The following SAMD3 variants were observed in gnomAD, a reference collection of about 807,000 sequenced individuals.
SAMD3 encodes the protein sterile alpha motif domain-containing protein 3.
Under a neutral mutation model 58.5 loss-of-function variants are expected in SAMD3, and 63 were observed. That is an observed-to-expected ratio of 1.08 (90% CI 0.88 to 1.33). The LOEUF (loss-of-function observed/expected upper bound fraction) is 1.33, where lower values mean the gene tolerates loss of function less well. Ranked by LOEUF, SAMD3 falls within the 40% of genes most tolerant of loss-of-function variation. The probability of loss-of-function intolerance (pLI) is 0.00; values close to 1 mark genes in which losing one functional copy is unlikely to be tolerated. For missense variants in SAMD3, 604 were observed against 608.4 expected (o/e 0.99, Z 0.08); for synonymous variants, 220 against 210.3 (o/e 1.05, Z -0.40).
intron 1 of SAMD3, among the ~76,000 whole-genome samples, chr6:130,326,383 TGCAAA>T (rs1776761561): frequency 1.3e-5 from 2 of 150,360 alleles, no homozygotes; most frequent in East Asian, 1.9e-4. Flanking sequence ...TTTTTTTTTT[TGCAAA>T]CTTCTGCTCA....
At chr6:130,157,171 C>T (rs535972461) in intron 8 of SAMD3, among the ~76,000 whole-genome samples, 24 of 151,744 alleles carry the variant, frequency 1.6e-4, no homozygotes, top group East Asian at 5.8e-4. Context: ...CATGTGTAAA[C>T]GTCATATACT....
intron 9 of SAMD3, among the ~76,000 whole-genome samples, chr6:130,151,003 C>T (rs1327002780): frequency 6.6e-6 from 1 of 152,114 alleles, no homozygotes; most frequent in Non-Finnish European, 1.5e-5. Context: ...TGAGCCACCA[C>T]ACCTAGCCTG....
chr6:130,285,936 G>A (rs994775214), intron 2 of SAMD3, among the ~76,000 whole-genome samples: 3 of 152,098 alleles, frequency 2.0e-5, no homozygotes, highest in Non-Finnish European at 4.4e-5. Flanking sequence ...AGATAATAAA[G>A]GCAGTGCTTT....
intron 2 of SAMD3, among the ~76,000 whole-genome samples, chr6:130,275,053 A>T (rs1475947820): frequency 6.6e-6 from 1 of 152,208 alleles, no homozygotes; most frequent in Non-Finnish European, 1.5e-5. Context: ...GACCTACTGT[A>T]TCAAAATATA....
At chr6:130,160,909 G>A (rs1790227043) in intron 8 of SAMD3, 1 of 151,056 alleles carries the variant, frequency 6.6e-6, no homozygotes, top group Admixed American at 6.6e-5. Context: ...GTTTGTATAT[G>A]TTTTAAACTG....
At chr6:130,219,802 T>C (rs1013539138) in intron 1 of SAMD3, among the ~76,000 whole-genome samples, 1 of 152,178 alleles carries the variant, frequency 6.6e-6, no homozygotes, top group African/African-American at 2.4e-5. Context: ...TTTTTGCACA[T>C]ACAAGAATTC....
In SAMD3 at chr6:130,313,493, G is replaced by GAAAATA. The variant is rs1303196408; in HGVS notation, c.-303-406_-303-401dup. On this transcript the variant is annotated intron_variant, in intron 1 of 13. Transcript: ENST00000368134. ...CTTAAGGAATTCTCTCTCCTGCCCG[G>GAAAATA]AAAATAAAAGTGCAGCTGTAAGCAA... 6.6e-5 allele frequency among the ~76,000 whole-genome samples: 10 copies of GAAAATA among 152,268 alleles called. No individual in the cohort carries two copies. The East Asian group carries it at 1.9e-3, about 29-fold the overall frequency.
intron 2 of SAMD3, among the ~76,000 whole-genome samples, chr6:130,229,382 C>A (rs547933460): frequency 6.6e-6 from 1 of 152,176 alleles, no homozygotes; most frequent in Admixed American, 6.5e-5. Flanking sequence ...GTAAGAGTGG[C>A]GGATCCCCAG....
At chr6:130,185,652 AC>A (rs1464229304) in intron 5 of SAMD3, among the ~76,000 whole-genome samples, 1 of 138,542 alleles carries the variant, frequency 7.2e-6, no homozygotes. Flanking sequence ...TTTTTTTTAG[AC>A]AGAGTCTTGC....
intron 8 of SAMD3, among the ~76,000 whole-genome samples, chr6:130,174,697 T>C (rs1791563915): frequency 6.6e-6 from 1 of 152,238 alleles, no homozygotes; most frequent in Admixed American, 6.5e-5. Flanking sequence ...TTTTAGTTTG[T>C]AATTGGAATT....
chr6:130,181,954 A>G (rs1792370298), intron 7 of SAMD3, among the ~76,000 whole-genome samples: 2 of 151,764 alleles, frequency 1.3e-5, no homozygotes, highest in Admixed American at 6.6e-5. Context: ...AGTCCCAGCT[A>G]CTCGGGAGGC....
chr6:130,259,081 A>G (rs1774020281), intron 2 of SAMD3, among the ~76,000 whole-genome samples: 1 of 152,176 alleles, frequency 6.6e-6, no homozygotes, highest in South Asian at 2.1e-4. Flanking sequence ...TCATGATGAG[A>G]GAGGATTAAG....
chr6:130,336,663 A>G (rs942633474), intron 1 of SAMD3, among the ~76,000 whole-genome samples: 3 of 152,222 alleles, frequency 2.0e-5, no homozygotes, highest in Non-Finnish European at 2.9e-5. Flanking sequence ...AATGCCTGAC[A>G]GAATGCTGGT....
intron 8 of SAMD3, among the ~76,000 whole-genome samples, chr6:130,165,045 T>C (rs185254233): frequency 3.0e-4 from 45 of 152,246 alleles, no homozygotes; most frequent in Admixed American, 6.5e-4. Flanking sequence ...AGTTGGAGAC[T>C]TCAATACTTC....
At chr6:130,317,408 G>A (rs1250898710) in intron 1 of SAMD3, among the ~76,000 whole-genome samples, 1 of 152,078 alleles carries the variant, frequency 6.6e-6, no homozygotes, top group East Asian at 1.9e-4. Flanking sequence ...AGAAATGCAT[G>A]TATTTTATTA....
chr6:130,316,011 C>T (rs974091754), intron 1 of SAMD3, among the ~76,000 whole-genome samples: 1 of 152,144 alleles, frequency 6.6e-6, no homozygotes, highest in Admixed American at 6.5e-5. Context: ...ATATTAGGGG[C>T]CGGGCGTGGT....
At chr6:130,334,761 C>T (rs905091018) in intron 1 of SAMD3, among the ~76,000 whole-genome samples, 5 of 152,156 alleles carry the variant, frequency 3.3e-5, no homozygotes, top group African/African-American at 9.7e-5. Context: ...ACTATATATA[C>T]AATGTGTGGC....
chr6:130,352,235 A>G (rs1777698438), intron 1 of SAMD3, among the ~76,000 whole-genome samples: 1 of 152,150 alleles, frequency 6.6e-6, no homozygotes, highest in Non-Finnish European at 1.5e-5. Context: ...TAAATTAAAA[A>G]TTAATATGGT....
At position 130,215,683 on chromosome 6, in the gene SAMD3, G is replaced by C. The variant is rs1030373665; in HGVS notation, c.-21-389C>G. ...AATTCACCACTACCAGGCTCCTCAG[G>C]AAGTGGTTGACATTTACAGAAGGGG... On this transcript the variant is annotated intron_variant, in intron 2 of 11. Transcript: ENST00000439090. The C allele has an allele frequency of 4.2e-5, 61 of 1,436,858 alleles. No individual in the cohort carries two copies. The Admixed American group carries it at 1.2e-3, about 29-fold the overall frequency. The allele number at this position is 1,436,858 out of a possible 1,614,324, so 89.0% of individuals were successfully genotyped here.
Sources: allele counts gnomAD v4.1 joint callset (sites outside exome capture counted in the v4.1 genomes callset), GRCh38; gene constraint gnomAD v4.1.1; transcripts MANE v1.5; gene names NCBI Gene and HGNC (gene_info 2026-07-23, HGNC 2026-07-21).